The following BTRC variants were observed in gnomAD, a reference collection of about 807,000 sequenced individuals.
BTRC encodes F-box/WD repeat-containing protein 1A.
In BTRC, 42 loss-of-function variants were observed where a neutral mutation model predicts 85.5. That is an observed-to-expected ratio of 0.49 (90% CI 0.38 to 0.64). The LOEUF is 0.64. Ranked by LOEUF, BTRC falls within the 30% of genes least tolerant of loss-of-function variation. BTRC has a pLI of 0.00. For missense variants in BTRC, 594 were observed against 743.5 expected (o/e 0.80, Z 2.34); for synonymous variants, 255 against 263.3 (o/e 0.97, Z 0.30).
intron 3 of BTRC, 72 bp downstream of exon 3, chr10:101,462,130 T>A: frequency 7.8e-7 from 1 of 1,275,884 alleles, no homozygotes; most frequent in Non-Finnish European, 1.1e-6. Context: ...AAACCCTTGA[T>A]TTGCCATTCT....
chr10:101,532,801 C>CGTGT (rs1554895758), intron 8 of BTRC, 151 bp from the exon 9 acceptor site: 29 of 605,852 alleles, frequency 4.8e-5, no homozygotes, highest in Middle Eastern at 5.8e-4. Context: ...CGCGTGTGCG[C>CGTGT]GCGCGCGCGC....
chr10:101,545,850 G>A (rs1215811399), intron 13 of BTRC, among the ~76,000 whole-genome samples: 1 of 152,206 alleles, frequency 6.6e-6, no homozygotes, highest in Admixed American at 6.5e-5. Flanking sequence ...GCAAACCTCA[G>A]AGCAAAGAAT....
chr10:101,461,862 A>G lies in BTRC; in HGVS notation c.157-119A>G, dbSNP rs1589499234. 3 of 684,694 alleles carry G rather than the reference A, an allele frequency of 4.4e-6. No individual in the cohort carries two copies. The East Asian group carries it at 8.5e-5, about 20-fold the overall frequency. The allele number at this position is 684,694 out of a possible 1,614,324, so 42.4% of individuals were successfully genotyped here. On this transcript the variant is annotated intron_variant, in intron 2 of 14. Transcript: ENST00000370187. ...TGTATGTATACAAATCTTCAAGTGA[A>G]TAATTGTATAAATATATGTATGTTC... is the stretch of plus-strand genomic sequence containing the variant.
At chr10:101,544,637 C>T (rs1215696361) in intron 13 of BTRC, among the ~76,000 whole-genome samples, 2 of 152,156 alleles carry the variant, frequency 1.3e-5, no homozygotes, top group Middle Eastern at 3.4e-3. Context: ...AACTCCTGGC[C>T]TCACATAATC....
At chr10:101,488,199 T>C (rs979602382) in intron 4 of BTRC, among the ~76,000 whole-genome samples, 2 of 152,196 alleles carry the variant, frequency 1.3e-5, no homozygotes, top group African/African-American at 4.8e-5. Flanking sequence ...GTTTTCTGGT[T>C]TGGAGCATTT....
intron 4 of BTRC, among the ~76,000 whole-genome samples, chr10:101,515,670 C>T (rs958444184): frequency 6.6e-6 from 1 of 152,064 alleles, no homozygotes; most frequent in Non-Finnish European, 1.5e-5. Context: ...TACCACCACG[C>T]CCGGCTAATT....
intron 13 of BTRC, among the ~76,000 whole-genome samples, chr10:101,540,121 ATTTT>A (rs1022026192): frequency 6.6e-6 from 1 of 152,188 alleles, no homozygotes; most frequent in African/African-American, 2.4e-5. Flanking sequence ...GCGGTTCTTA[ATTTT>A]AAGTCTACTG....
At chr10:101,408,197 G>T (rs941895178) in intron 1 of BTRC, among the ~76,000 whole-genome samples, 2 of 152,068 alleles carry the variant, frequency 1.3e-5, no homozygotes, top group African/African-American at 4.8e-5. Flanking sequence ...GTATTGGAGA[G>T]TATGTTTAGA....
intron 14 of BTRC, 127 bp downstream of exon 14, chr10:101,551,018 G>A (rs1298612098): frequency 3.7e-6 from 3 of 813,166 alleles, no homozygotes; most frequent in Non-Finnish European, 5.6e-6. Flanking sequence ...CGAGGAAGCA[G>A]ACAATGTGAG....
At chr10:101,483,487 G>A (rs545203980) in intron 4 of BTRC, among the ~76,000 whole-genome samples, 2 of 152,230 alleles carry the variant, frequency 1.3e-5, no homozygotes, top group East Asian at 3.9e-4. Flanking sequence ...CAGCTACTCA[G>A]GAGGCTGAGG....
chr10:101,446,041 T>C (rs1405969647), intron 2 of BTRC, among the ~76,000 whole-genome samples: 3 of 152,136 alleles, frequency 2.0e-5, no homozygotes, highest in South Asian at 2.1e-4. Context: ...GAATGTCTTA[T>C]TGGATGAAAG....
chr10:101,478,265 C>T (rs996225153), intron 3 of BTRC, among the ~76,000 whole-genome samples: 2 of 150,802 alleles, frequency 1.3e-5, no homozygotes, highest in African/African-American at 4.9e-5. Flanking sequence ...TGTGCCACTG[C>T]ACTCCAGCCT....
intron 2 of BTRC, among the ~76,000 whole-genome samples, chr10:101,439,852 G>A (rs1175759265): frequency 6.6e-6 from 1 of 152,208 alleles, no homozygotes; most frequent in East Asian, 1.9e-4. Context: ...GCAGGAAGTT[G>A]GGAAGGTGGT....
At chr10:101,397,558 G>A (rs1943394906) in intron 1 of BTRC, among the ~76,000 whole-genome samples, 1 of 152,188 alleles carries the variant, frequency 6.6e-6, no homozygotes, top group Admixed American at 6.5e-5. Flanking sequence ...ATGGAGGAAA[G>A]AAATGTAATA....
At chr10:101,396,518 A>C (rs1678902447) in intron 1 of BTRC, among the ~76,000 whole-genome samples, 1 of 150,948 alleles carries the variant, frequency 6.6e-6, no homozygotes, top group African/African-American at 2.4e-5. Context: ...CCCACTACTC[A>C]CTTGTTCTGT....
intron 2 of BTRC, among the ~76,000 whole-genome samples, chr10:101,435,017 A>G (rs1281843626): frequency 2.8e-4 from 43 of 151,918 alleles, no homozygotes; most frequent in Admixed American, 2.7e-3. Flanking sequence ...AATTTGTTCT[A>G]TGTCAGGTTC....
chr10:101,399,245 A>G (rs927797787), intron 1 of BTRC, among the ~76,000 whole-genome samples: 4 of 151,746 alleles, frequency 2.6e-5, no homozygotes, highest in African/African-American at 9.7e-5. Context: ...GTGAGCCATC[A>G]TGCCTATCCA....
intron 13 of BTRC, among the ~76,000 whole-genome samples, chr10:101,544,581 A>ATT (rs2062527675): frequency 6.6e-6 from 1 of 151,554 alleles, no homozygotes; most frequent in African/African-American, 2.4e-5. Context: ...AATTTTCTTT[A>ATT]TTTTTTTAGA....
chr10:101,546,411 T>C (rs2062558914), intron 13 of BTRC, among the ~76,000 whole-genome samples: 1 of 152,204 alleles, frequency 6.6e-6, no homozygotes, highest in Admixed American at 6.5e-5. Context: ...GTATTTTTTT[T>C]TAATTTTTAC....
Sources: gnomAD v4.1 joint callset for allele counts (sites outside exome capture counted in the v4.1 genomes callset) on GRCh38, gnomAD v4.1.1 for gene constraint, MANE v1.5 for transcripts, NCBI Gene and HGNC (gene_info 2026-07-23, HGNC 2026-07-21) for gene names.